GRM1: variants seen among roughly 807,000 people sequenced by gnomAD.
GRM1 encodes the protein glutamate metabotropic receptor 1, also known as metabotropic glutamate receptor 1.
Under a neutral mutation model 90.9 loss-of-function variants are expected in GRM1, and 33 were observed. The ratio of observed to expected loss-of-function variants is 0.36; its 90% CI spans 0.28 to 0.49. The LOEUF (loss-of-function observed/expected upper bound fraction) is 0.49, where lower values mean the gene tolerates loss of function less well. Ranked by LOEUF, GRM1 falls within the 20% of genes least tolerant of loss-of-function variation. The pLI, the probability that GRM1 is intolerant of heterozygous loss-of-function variation, is 0.99. For synonymous variants in GRM1, 700 were observed against 613.2 expected (o/e 1.14, Z -2.09); for missense variants, 1,190 against 1,534.3 (o/e 0.78, Z 3.75).
chr6:146,397,439 A>G (rs1170888155), intron 6 of GRM1, among the ~76,000 whole-genome samples: 2 of 139,118 alleles, frequency 1.4e-5, no homozygotes, highest in Non-Finnish European at 3.0e-5. Context: ...GCGCCACTGC[A>G]CTCCAGCCTG....
chr6:146,413,666 A>C (rs75405695), intron 7 of GRM1, among the ~76,000 whole-genome samples: 1,940 of 152,270 alleles, frequency 0.013, 47 homozygotes, highest in African/African-American at 0.045. Flanking sequence ...ACCAACATAC[A>C]ACCAAAACCT....
At chr6:146,335,416 A>AGG (rs1562618370) in intron 3 of GRM1, among the ~76,000 whole-genome samples, 2 of 152,186 alleles carry the variant, frequency 1.3e-5, no homozygotes, top group East Asian at 3.9e-4. Context: ...ATAAAACTCT[A>AGG]GGAGGTTTCT....
rs145503726 is a variant in GRM1, at chr6:146,398,248, T to C, written c.1730-521T>C. ...TAGAGTTATGCAGGAAACAGGAGAA[T>C]GCAGATTCTTCTAAAGAAGTCCATG... On this transcript the variant is annotated intron_variant, in intron 6 of 7. Transcript: ENST00000282753. Among the ~76,000 whole-genome samples the C allele has an allele frequency of 2.7e-3, 416 of 152,340 alleles. 3 individuals are homozygous for C. Among genetic ancestry groups the C allele is most frequent in the African/African-American group, 9.8e-3 (406 of 41,582 alleles).
chr6:146,237,488 A>T (rs528893219), intron 2 of GRM1, among the ~76,000 whole-genome samples: 1 of 152,160 alleles, frequency 6.6e-6, no homozygotes, highest in African/African-American at 2.4e-5. Flanking sequence ...AAATATTTTT[A>T]CAAATAGTTA....
chr6:146,245,371 C>G (rs544742950), intron 2 of GRM1, among the ~76,000 whole-genome samples: 24 of 152,226 alleles, frequency 1.6e-4, no homozygotes, highest in East Asian at 3.9e-4. Context: ...CCAGGCAAAA[C>G]ATTAGGCATG....
Position 146,029,455 on chromosome 6 carries a change from G to C in GRM1, c.-63G>C. ...TGGGCGTCTTGGGGGTGCGCGCCGG[G>C]AGCCTGCAGCGGGACCAGCGTGGGA... On this transcript the variant is annotated 5_prime_UTR_variant, in exon 1 of 8. Coordinates refer to ENST00000282753, the MANE Select transcript of GRM1 (RefSeq NM_001278064.2). 7.5e-7 allele frequency: 1 copy of C among 1,326,678 alleles called. No homozygotes were observed. Among genetic ancestry groups the C allele is most frequent in the Non-Finnish European group, 1.1e-6 (1 of 918,652 alleles). The allele number at this position is 1,326,678 out of a possible 1,614,324, so 82.2% of individuals were successfully genotyped here.
At chr6:146,256,415 C>G (rs1436470663) in intron 2 of GRM1, among the ~76,000 whole-genome samples, 1 of 152,104 alleles carries the variant, frequency 6.6e-6, no homozygotes, top group African/African-American at 2.4e-5. Flanking sequence ...TCTATCTGGC[C>G]CTTCACTCCT....
intron 5 of GRM1, among the ~76,000 whole-genome samples, chr6:146,384,925 T>A (rs796326173): frequency 1.3e-5 from 2 of 151,888 alleles, no homozygotes; most frequent in Non-Finnish European, 2.9e-5. Flanking sequence ...CTGAAAAACA[T>A]AGCAATAGGA....
intron 2 of GRM1, among the ~76,000 whole-genome samples, chr6:146,215,647 C>T (rs1779843197): frequency 7.3e-6 from 1 of 137,094 alleles, no homozygotes; most frequent in Non-Finnish European, 1.5e-5. Context: ...AAAAAATTAA[C>T]ATCACCACCA....
rs375441982 is a variant in GRM1, at chr6:146,407,928, CAT to C, written c.2660+8230_2660+8231del. On this transcript the variant is annotated intron_variant, in intron 7 of 7. Coordinates refer to ENST00000282753, the MANE Select transcript of GRM1 (RefSeq NM_001278064.2). ...TAAGAAACAGTATAATGTGGTGACT[CAT>C]GTGAATGGGAAATTTCAGAGTCAGA... 6.6e-5 allele frequency among the ~76,000 whole-genome samples: 10 copies of C among 152,236 alleles called. No homozygotes were observed. In the East Asian group the frequency reaches 1.4e-3, roughly 21 times the overall value.
At chr6:146,334,004 A>C (rs1329795803) in intron 3 of GRM1, among the ~76,000 whole-genome samples, 4 of 152,092 alleles carry the variant, frequency 2.6e-5, no homozygotes, top group Non-Finnish European at 5.9e-5. Flanking sequence ...AAGGATGCCC[A>C]CTCTGGGTAC....
At chr6:146,387,513 A>T (rs1776551868) in intron 6 of GRM1, among the ~76,000 whole-genome samples, 2 of 152,058 alleles carry the variant, frequency 1.3e-5, no homozygotes, top group Non-Finnish European at 1.5e-5. Context: ...ATCAGGAACG[A>T]AACATGAAAA....
chr6:146,424,364 A>G (rs1444318946), intron 7 of GRM1, among the ~76,000 whole-genome samples: 2 of 152,168 alleles, frequency 1.3e-5, no homozygotes, highest in Non-Finnish European at 2.9e-5. Context: ...GGAAAGTGGT[A>G]GTGATTTCTA....
chr6:146,303,116 A>T (rs1014785148), intron 2 of GRM1, among the ~76,000 whole-genome samples: 1 of 152,158 alleles, frequency 6.6e-6, no homozygotes, highest in Admixed American at 6.5e-5. Flanking sequence ...GTGTGGTTCA[A>T]TGGGAAGATT....
chr6:146,107,254 AAAG>A (rs1775344031), intron 1 of GRM1, among the ~76,000 whole-genome samples: 1 of 152,250 alleles, frequency 6.6e-6, no homozygotes, highest in African/African-American at 2.4e-5. Context: ...AAGACAAAGT[AAAG>A]AAATATAATA....
intron 5 of GRM1, among the ~76,000 whole-genome samples, chr6:146,361,026 G>T (rs1276944785): frequency 6.6e-6 from 1 of 152,216 alleles, no homozygotes; most frequent in Non-Finnish European, 1.5e-5. Context: ...CCTATGTTCT[G>T]CTTCGTGTGG....
intron 5 of GRM1, among the ~76,000 whole-genome samples, chr6:146,384,321 C>T (rs1776422851): frequency 6.6e-6 from 1 of 152,044 alleles, no homozygotes; most frequent in Non-Finnish European, 1.5e-5. Context: ...GACATAGAGC[C>T]AGAAATTTTC....
chr6:146,430,908 TA>T (rs1778383501), intron 7 of GRM1, among the ~76,000 whole-genome samples: 1 of 152,222 alleles, frequency 6.6e-6, no homozygotes, highest in Non-Finnish European at 1.5e-5. Flanking sequence ...TACATACATT[TA>T]AAAACAGCAG....
intron 2 of GRM1, among the ~76,000 whole-genome samples, chr6:146,180,966 C>T (rs1281456634): frequency 2.6e-5 from 4 of 152,010 alleles, no homozygotes; most frequent in Non-Finnish European, 4.4e-5. Context: ...CTAGAAATAA[C>T]CTCAATGTGA....
Sources: allele counts gnomAD v4.1 joint callset (sites outside exome capture counted in the v4.1 genomes callset), GRCh38; gene constraint gnomAD v4.1.1; transcripts MANE v1.5; gene names NCBI Gene and HGNC (gene_info 2026-07-23, HGNC 2026-07-21).